APOB: variants seen among roughly 807,000 people sequenced by gnomAD.
The protein encoded by APOB is apolipoprotein B, also known as apolipoprotein B-100.
A neutral mutation model predicts 314.1 loss-of-function variants in APOB; 153 were observed. That is an observed-to-expected ratio of 0.49 (90% CI 0.43 to 0.56). The LOEUF (loss-of-function observed/expected upper bound fraction) is 0.56. APOB is among the 20% of genes least tolerant of loss of function. APOB has a pLI of 0.00. For synonymous variants in APOB, 2,087 were observed against 2,036.4 expected (o/e 1.02, Z -0.67); for missense variants, 5,430 against 5,350.7 (o/e 1.01, Z -0.46).
rs914357651 is a variant in APOB at position 21,038,035 on chromosome 2, G to C, written c.460C>G (p.Leu154Val). 2 of 1,614,090 alleles carry C rather than the reference G, an allele frequency of 1.2e-6. No individual in the cohort carries two copies. Among genetic ancestry groups the C allele is most frequent in the African/African-American group, 2.7e-5 (2 of 74,924 alleles). The change falls in exon 5 of 29, where the codon CTG (leucine) becomes GTG (valine). Residue 154 changes from leucine to valine, a missense_variant. Physicochemically the swap from Leu to Val is conservative, Grantham distance 32. Around this residue, in one of 3 missense-constraint regions of APOB, gnomAD observed 2,085 missense variants for 2,079.7 expected, o/e 1.00. Transcript: ENST00000233242. ...GAAATGATGCCCCTCTTGATGTTCAGGATGTAAGTAGGTTCATCTTTCTCC... is the reference window on the plus strand; with the variant it reads ...GAAATGATGCCCCTCTTGATGTTCACGATGTAAGTAGGTTCATCTTTCTCC... Reference protein sequence around the residue: ...YPEKDEPTYILNIKRGIISAL... With the variant: ...YPEKDEPTYIVNIKRGIISAL...
At position 21,008,237 on chromosome 2, in the gene APOB, T is replaced by A. The variant is rs1663205255; in HGVS notation, c.8631A>T (p.Ile2877=). 1 of 1,614,094 alleles carries A rather than the reference T, an allele frequency of 6.2e-7. No individual in the cohort carries two copies. Among genetic ancestry groups the A allele is most frequent in the Non-Finnish European group, 8.5e-7 (1 of 1,179,954 alleles). The change falls in exon 26 of 29, where the codon ATA becomes ATT. Residue 2877 remains isoleucine (I), a synonymous_variant. Transcript: ENST00000233242. ...TGCTATCCAGGGTAAGCTGATTGTT[T>A]ATCTTGACAATCACTCCATTACTAA... The part of the protein sequence containing the change: ...LELSNGVIVK[I]NNQLTLDSNT...
chr2:21,007,291 G>A lies in APOB; in HGVS notation c.9577C>T (p.Leu3193Phe). The change falls in exon 26 of 29, where the codon CTT becomes TTT. Residue 3193 changes from leucine (L) to phenylalanine (F), a missense_variant. By Grantham distance (22) the Leu-to-Phe change is conservative. Transcript: ENST00000233242. ...RHSITNPLAV[L>F]CEFISQSIKS... ...ATGCTCTGACTGATAAACTCACAAA[G>A]CACAGCCAAAGGATTTGTGATGGAA... The A allele has an allele frequency of 6.2e-7, 1 of 1,613,724 alleles. No individual in the cohort carries two copies. Among genetic ancestry groups the A allele is most frequent in the South Asian group, 1.1e-5 (1 of 91,056 alleles).
rs752605091 is a variant in APOB at position 21,033,346 on chromosome 2, A to G, written c.1077T>C (p.Ser359=). 3.7e-6 allele frequency: 6 copies of G among 1,614,178 alleles called. No individual in the cohort carries two copies. Among genetic ancestry groups the G allele is most frequent in the Non-Finnish European group, 5.1e-6 (6 of 1,180,022 alleles). The change falls in exon 9 of 29, where the codon AGT becomes AGC. Residue 359 remains serine (S), a synonymous_variant. Transcript: ENST00000233242. ...NKLVTELRGL[S]DEAVTSLLPQ... ...GCAAGAGAGATGTGACTGCTTCATC[A>G]CTGAGGCCTCTCAGCTCAGTAACCA...
At position 21,012,430 on chromosome 2, in the gene APOB, AC is replaced by A; in HGVS notation, c.4437del (p.Leu1479PhefsTer42). ...CCATCAATCTTGACTTCTTTGACAA[AC>A]AAATGCTGTTTCTTTTTGGAGTCCA... is the stretch of plus-strand genomic sequence containing the variant. Reference protein sequence around the residue: ...VHLDSKKKQHLFVKEVKIDGQ... With the variant: ...VHLDSKKKQHXFVKEVKIDGQ... On this transcript the variant is annotated frameshift_variant, in exon 26 of 29. Coordinates refer to ENST00000233242, the MANE Select transcript of APOB (RefSeq NM_000384.3). LOFTEE classifies it high-confidence loss of function. The A allele has an allele frequency of 6.2e-7, 1 of 1,614,204 alleles. No individual in the cohort carries two copies. Among genetic ancestry groups the A allele is most frequent in the Non-Finnish European group, 8.5e-7 (1 of 1,180,020 alleles).
At chr2:21,016,877 A>G (rs1163990670) in intron 20 of APOB, among the ~76,000 whole-genome samples, 6 of 151,832 alleles carry the variant, frequency 4.0e-5, no homozygotes, top group Non-Finnish European at 7.4e-5. Context: ...CCAGCTACTC[A>G]GGAGGCTGAG....
At position 21,019,113 on chromosome 2, in the gene APOB, TC is replaced by T; in HGVS notation, c.3000-1del. ...CTGTAGGCCTCAGTTCCAGCTCTAA[TC>T]TAAAGACATTACAATGAAGACAGTG... is the stretch of plus-strand genomic sequence containing the variant. On this transcript the variant is annotated splice_acceptor_variant, in intron 19 of 28. Coordinates refer to ENST00000233242, the MANE Select transcript of APOB (RefSeq NM_000384.3). LOFTEE classifies it high-confidence loss of function. 1 of 1,614,022 alleles carries T rather than the reference TC, an allele frequency of 6.2e-7. No individual in the cohort carries two copies. The highest frequency in any genetic ancestry group is 8.5e-7 in the Non-Finnish European group (1 of 1,179,996).
rs1572788805 is a variant in APOB, at chr2:21,016,630, A to G, written c.3141T>C (p.Ala1047=). The G allele has an allele frequency of 6.2e-7, 1 of 1,608,110 alleles. No homozygotes were observed. The highest frequency in any genetic ancestry group is 8.5e-7 in the Non-Finnish European group (1 of 1,174,506). ...GCCGATTATATTTGAATGTCATGGT[A>G]GCCTCAGTCTGCTTCGCACCTGGAC... ...TQAEGAKQTE[A]TMTFKYNRQS... is the part of the protein sequence containing the mutation. Residue 1047 remains alanine, a synonymous_variant, in exon 21 of 29, where the codon GCT becomes GCC. Coordinates refer to ENST00000233242, the MANE Select transcript of APOB (RefSeq NM_000384.3).
At chr2:21,037,856 A>C (rs1205799991) in intron 5 of APOB, 102 bp downstream of exon 5, 1 of 1,446,916 alleles carries the variant, frequency 6.9e-7, no homozygotes, top group African/African-American at 1.4e-5. Flanking sequence ...GTAACTAGTC[A>C]TGGAGCTGAC....
Position 21,010,180 on chromosome 2 carries a change from G to A in APOB, c.6688C>T (p.His2230Tyr), listed in dbSNP as rs770343432. ...AAATCAATATTTTCAATAAACAAAT[G>A]TAGATCATGGATTGTTTTTACTAAA... ...VNLVKTIHDLHLFIENIDFNK... is the reference protein window; with the variant it reads ...VNLVKTIHDLYLFIENIDFNK... Residue 2230 changes from histidine (H) to tyrosine (Y), a missense_variant, in exon 26 of 29, where the codon CAT becomes TAT. His to Tyr is a moderately conservative substitution (Grantham distance 83). Coordinates refer to ENST00000233242, the MANE Select transcript of APOB (RefSeq NM_000384.3). 7 of 1,598,706 alleles carry A rather than the reference G, an allele frequency of 4.4e-6. No homozygotes were observed. The African/African-American group carries it at 5.4e-5, about 12-fold the overall frequency.
rs148170480 is a variant in APOB, at chr2:21,009,253, C to T, written c.7615G>A (p.Val2539Ile). Reference sequence around the variant, plus strand: ...ACAAGTGTGCTATAAACCTGGCCTACCAGAGACAGGTATCGTTGAAGTTCC... The same window carrying T: ...ACAAGTGTGCTATAAACCTGGCCTATCAGAGACAGGTATCGTTGAAGTTCC... ...QQELQRYLSL[V>I]GQVYSTLVTY... The change falls in exon 26 of 29, where the codon GTA becomes ATA. Residue 2539 changes from valine to isoleucine, a missense_variant. Val to Ile is a conservative substitution (Grantham distance 29). Coordinates refer to ENST00000233242, the MANE Select transcript of APOB (RefSeq NM_000384.3). The T allele has an allele frequency of 2.9e-3, 4,709 of 1,614,070 alleles. 10 individuals carry two copies. Among genetic ancestry groups the T allele is most frequent in the Non-Finnish European group, 3.3e-3 (3,952 of 1,179,962 alleles).
At chr2:21,023,094 G>C (rs748710306) in intron 17 of APOB, 52 bp from the exon 18 acceptor site, 2 of 1,519,938 alleles carry the variant, frequency 1.3e-6, no homozygotes, top group Admixed American at 3.3e-5. Flanking sequence ...TCAGTCCCCT[G>C]TCAGTCAGAT....
At chr2:21,013,555 A>G (rs1466290779) in intron 24 of APOB, 22 bp from the exon 25 acceptor site, 2 of 1,613,774 alleles carry the variant, frequency 1.2e-6, no homozygotes. Flanking sequence ...AACAAAGATA[A>G]CATCCCCACA....
In APOB at chr2:21,022,905, A is replaced by G; in HGVS notation, c.2742T>C (p.His914=). The G allele has an allele frequency of 6.2e-7, 1 of 1,614,168 alleles. No homozygotes were observed. Among genetic ancestry groups the G allele is most frequent in the South Asian group, 1.1e-5 (1 of 91,072 alleles). The change falls in exon 18 of 29, where the codon CAT becomes CAC. Residue 914 remains histidine (H), a synonymous_variant. Coordinates refer to ENST00000233242, the MANE Select transcript of APOB (RefSeq NM_000384.3). ...TCAGCTTCCCAGCTTTTAGGGCAAC[A>G]TGAGCCTCCAGACCCGACTCGTGGA... The part of the protein sequence containing the change: ...NFFHESGLEA[H]VALKAGKLKF...
chr2:21,008,906 GT>G lies in APOB; in HGVS notation c.7961del (p.Asn2654ThrfsTer13). On this transcript the variant is annotated frameshift_variant, in exon 26 of 29. Coordinates refer to ENST00000233242, the MANE Select transcript of APOB (RefSeq NM_000384.3). LOFTEE classifies it high-confidence loss of function. ...TTGTAAAGGAAGGAATGTGGAAGGTGTTAAGGATGGTAAATTCTGGTGTGGA... is the reference window on the plus strand; with the variant it reads ...TTGTAAAGGAAGGAATGTGGAAGGTGTAAGGATGGTAAATTCTGGTGTGGA... ...RFSTPEFTIL[N>X]TFHIPSFTID... is the part of the protein sequence containing the mutation. The G allele has an allele frequency of 6.2e-7, 1 of 1,614,088 alleles. No homozygotes were observed. The highest frequency in any genetic ancestry group is 8.5e-7 in the Non-Finnish European group (1 of 1,179,934).
intron 19 of APOB, 86 bp downstream of exon 19, chr2:21,019,637 C>CA: frequency 1.4e-6 from 2 of 1,400,444 alleles, no homozygotes; most frequent in Non-Finnish European, 2.0e-6. Flanking sequence ...GGTCTTACAA[C>CA]ACAGAGTATT....
In APOB at chr2:21,005,686, C is replaced by G. The variant is rs1198549888; in HGVS notation, c.11182G>C (p.Asp3728His). The change falls in exon 26 of 29, where the codon GAT becomes CAT. Residue 3728 changes from aspartate (D) to histidine (H), a missense_variant. By Grantham distance (81) the Asp-to-His change is moderately conservative (BLOSUM62 -1). Coordinates refer to ENST00000233242, the MANE Select transcript of APOB (RefSeq NM_000384.3). The stretch of plus-strand genomic sequence containing the variant: ...TTCAGCCCAGGAATAATGAATTTAT[C>G]AGCCAAAACTTTTACAGGGATGGAG... The part of the protein sequence containing the change: ...SFSIPVKVLA[D>H]KFIIPGLKLN... 1.2e-6 allele frequency: 2 copies of G among 1,613,802 alleles called. No homozygotes were observed. The highest frequency in any genetic ancestry group is 1.3e-5 in the African/African-American group (1 of 74,890).
rs1242255992 is a variant in APOB, at chr2:21,012,443, C to G, written c.4425G>C (p.Lys1475Asn). 6.2e-7 allele frequency: 1 copy of G among 1,614,124 alleles called. No homozygotes were observed. Among genetic ancestry groups the G allele is most frequent in the Non-Finnish European group, 8.5e-7 (1 of 1,179,998 alleles). ...MSASVHLDSK[K>N]KQHLFVKEVK... Reference sequence around the variant, plus strand: ...CTTCTTTGACAAACAAATGCTGTTTCTTTTTGGAGTCCAAATGAACTGAAG... The same window carrying G: ...CTTCTTTGACAAACAAATGCTGTTTGTTTTTGGAGTCCAAATGAACTGAAG... The change falls in exon 26 of 29, where the codon AAG (lysine) becomes AAC (asparagine). Residue 1475 changes from lysine to asparagine, a missense_variant. Lys to Asn is a moderately conservative substitution (Grantham distance 94). Around this residue, in one of 3 missense-constraint regions of APOB, gnomAD observed 2,085 missense variants for 2,079.7 expected, o/e 1.00. Transcript: ENST00000233242.
chr2:21,026,702 T>C (rs1663739021), intron 15 of APOB, 86 bp downstream of exon 15: 2 of 1,122,640 alleles, frequency 1.8e-6, no homozygotes, highest in Non-Finnish European at 2.7e-6. Context: ...TTAGATAGTA[T>C]TTTGAGGACT....
chr2:21,008,348 C>A lies in APOB; in HGVS notation c.8520G>T (p.Gly2840=). 6.2e-7 allele frequency: 1 copy of A among 1,613,972 alleles called. No homozygotes were observed. Among genetic ancestry groups the A allele is most frequent in the Non-Finnish European group, 8.5e-7 (1 of 1,179,914 alleles). ...CATTTCCAAAAAACAGCATTTCACT[C>A]CCATGCTCCGTTCTCAGGTACTTGC... ...FSSKYLRTEH[G]SEMLFFGNAI... The change falls in exon 26 of 29, where the codon GGG becomes GGT. Residue 2840 remains glycine (G), a synonymous_variant. Coordinates refer to ENST00000233242, the MANE Select transcript of APOB (RefSeq NM_000384.3).
Sources: gnomAD v4.1 joint callset for allele counts (sites outside exome capture counted in the v4.1 genomes callset) on GRCh38, gnomAD v4.1.1 for gene constraint, gnomAD v4.1.1 regional missense constraint, MANE v1.5 for transcripts, NCBI Gene and HGNC (gene_info 2026-07-23, HGNC 2026-07-21) for gene names.